ACO1: variants seen among roughly 807,000 people sequenced by gnomAD.
ACO1 encodes cytoplasmic aconitate hydratase.
Under a neutral mutation model 105.1 loss-of-function variants are expected in ACO1, and 78 were observed. That is an observed-to-expected ratio of 0.74 (90% CI 0.62 to 0.90). ACO1 has a LOEUF of 0.90. ACO1 is among the 40% of genes least tolerant of loss of function. ACO1 has a pLI of 0.00. For missense variants in ACO1, 965 were observed against 1,111.1 expected (o/e 0.87, Z 1.87); for synonymous variants, 364 against 397.4 (o/e 0.92, Z 1.00).
chr9:32,402,181 C>T (rs1821510520), intron 1 of ACO1, among the ~76,000 whole-genome samples: 1 of 152,290 alleles, frequency 6.6e-6, no homozygotes, highest in South Asian at 2.1e-4. Context: ...ATTTCCCATT[C>T]CTTCCTTCTT....
intron 18 of ACO1, among the ~76,000 whole-genome samples, chr9:32,437,278 A>G (rs1282207641): frequency 3.3e-5 from 5 of 152,194 alleles, no homozygotes; most frequent in African/African-American, 1.2e-4. Context: ...AAGAGGTCAT[A>G]TTACTCCTTT....
rs779912319 is a variant in ACO1, at chr9:32,440,553, C to T, written c.2336C>T (p.Ser779Phe). 1 of 1,613,960 alleles carries T rather than the reference C, an allele frequency of 6.2e-7. No homozygotes were observed. The highest frequency in any genetic ancestry group is 8.5e-7 in the Non-Finnish European group (1 of 1,179,956). The change falls in exon 19 of 21, where the codon TCC becomes TTC. Residue 779 changes from serine (S) to phenylalanine (F), a missense_variant. Ser to Phe is a radical substitution (Grantham distance 155, BLOSUM62 -2). Coordinates refer to ENST00000309951, the MANE Select transcript of ACO1 (RefSeq NM_002197.3). ...GGCAAAGAGTACGGTGCAGGCAGCT[C>T]CCGAGACTGGGCAGCTAAGGGCCCT... ...LAGKEYGAGS[S>F]RDWAAKGPFL...
At chr9:32,389,602 C>G (rs139581932) in intron 1 of ACO1, among the ~76,000 whole-genome samples, 2 of 151,892 alleles carry the variant, frequency 1.3e-5, no homozygotes, top group Non-Finnish European at 2.9e-5. Context: ...ACCTTGGCCT[C>G]GCCCTCTCAC....
At chr9:32,429,350 T>C (rs1822173867) in intron 12 of ACO1, 69 bp from the exon 13 acceptor site, 6 of 1,430,410 alleles carry the variant, frequency 4.2e-6, no homozygotes, top group Non-Finnish European at 5.9e-6. Context: ...CTGGAAACTG[T>C]GGCCAGCAGA....
At chr9:32,418,825 C>T (rs1024311634) in intron 6 of ACO1, among the ~76,000 whole-genome samples, 9 of 152,128 alleles carry the variant, frequency 5.9e-5, no homozygotes, top group African/African-American at 2.2e-4. Flanking sequence ...GATTTTGATA[C>T]AGGTGTTTGG....
Position 32,440,489 on chromosome 9 carries a change from C to T in ACO1, c.2272C>T (p.Arg758Trp), listed in dbSNP as rs201421085. 2.0e-5 allele frequency: 33 copies of T among 1,613,694 alleles called. No homozygotes were observed. Among genetic ancestry groups the T allele is most frequent in the South Asian group, 1.1e-4 (10 of 91,078 alleles). The change falls in exon 19 of 21, where the codon CGG becomes TGG. Residue 758 changes from arginine to tryptophan, a missense_variant. Physicochemically the swap from Arg to Trp is moderately radical, Grantham distance 101. Transcript: ENST00000309951. ...EILDVFDAAE[R>W]YQQAGLPLIV... ...GCTTGATGTGTTTGATGCTGCTGAGCGGTACCAGCAGGCAGGCCTTCCCCT... is the reference window on the plus strand; with the variant it reads ...GCTTGATGTGTTTGATGCTGCTGAGTGGTACCAGCAGGCAGGCCTTCCCCT...
chr9:32,413,335 T>G (rs1223890017), intron 4 of ACO1, among the ~76,000 whole-genome samples: 1 of 151,988 alleles, frequency 6.6e-6, no homozygotes, highest in Non-Finnish European at 1.5e-5. Context: ...ATACAAAAAA[T>G]TAGCCGGGCA....
chr9:32,409,770 C>G (rs115968407), intron 4 of ACO1, among the ~76,000 whole-genome samples: 1 of 151,974 alleles, frequency 6.6e-6, no homozygotes, highest in Non-Finnish European at 1.5e-5. Context: ...AGGAGGATCA[C>G]CTGAGCCCAG....
chr9:32,410,570 G>A (rs536576716), intron 4 of ACO1, among the ~76,000 whole-genome samples: 7 of 151,358 alleles, frequency 4.6e-5, no homozygotes, highest in Non-Finnish European at 8.8e-5. Context: ...AAAAAAAAAA[G>A]AGTACCTGAT....
intron 1 of ACO1, among the ~76,000 whole-genome samples, chr9:32,398,714 C>T (rs2118367081): frequency 6.6e-6 from 1 of 152,198 alleles, no homozygotes; most frequent in Middle Eastern, 3.4e-3. Context: ...CCACCTCAGC[C>T]TCTCGAGTAG....
chr9:32,434,074 T>C (rs1822300336), intron 16 of ACO1, among the ~76,000 whole-genome samples: 1 of 152,190 alleles, frequency 6.6e-6, no homozygotes, highest in African/African-American at 2.4e-5. Context: ...TCACCTGGAC[T>C]TAAACCTAGT....
Position 32,453,752 on chromosome 9 carries a change from T to G in ACO1, c.*3641T>G, listed in dbSNP as rs1227014224. 1.3e-5 allele frequency: 2 copies of G among 152,200 alleles called. No individual in the cohort carries two copies. Among genetic ancestry groups the G allele is most frequent in the Non-Finnish European group, 2.9e-5 (2 of 68,042 alleles). 9.4% of individuals were successfully genotyped at this position (152,200 alleles called of 1,614,324 possible). On this transcript the variant is annotated 3_prime_UTR_variant, in exon 21 of 21. Transcript: ENST00000309951. ...TGTAGGAGCAATGCAGAGCCACTTTTGAAAAACAGTAGCCAAGGTTCTACT... is the reference window on the plus strand; with the variant it reads ...TGTAGGAGCAATGCAGAGCCACTTTGGAAAAACAGTAGCCAAGGTTCTACT...
chr9:32,386,207 A>C (rs1457546551), intron 1 of ACO1, among the ~76,000 whole-genome samples: 2 of 152,212 alleles, frequency 1.3e-5, no homozygotes, highest in East Asian at 1.9e-4. Flanking sequence ...GGTTCCTGTG[A>C]GAGTTACCAA....
In ACO1 at chr9:32,449,033, T is replaced by C; in HGVS notation, c.2508T>C (p.Thr836=). 1 of 1,612,676 alleles carries C rather than the reference T, an allele frequency of 6.2e-7. No individual in the cohort carries two copies. Among genetic ancestry groups the C allele is most frequent in the Non-Finnish European group, 8.5e-7 (1 of 1,179,042 alleles). ...ALGLTGQERY[T]IIIPENLKPQ... Reference sequence around the variant, plus strand: ...GGCTCACAGGGCAAGAACGATACACTATCATTATTCCAGAAAACCTCAAAC... The same window carrying C: ...GGCTCACAGGGCAAGAACGATACACCATCATTATTCCAGAAAACCTCAAAC... Residue 836 remains threonine (T), a synonymous_variant, in exon 20 of 21, where the codon ACT becomes ACC. Transcript: ENST00000309951.
At chr9:32,397,046 A>G (rs1821387367) in intron 1 of ACO1, among the ~76,000 whole-genome samples, 1 of 152,114 alleles carries the variant, frequency 6.6e-6, no homozygotes, top group African/African-American at 2.4e-5. Context: ...GAAAAGACTG[A>G]GTGAAAATAG....
intron 19 of ACO1, among the ~76,000 whole-genome samples, chr9:32,447,977 G>C (rs1822658364): frequency 6.6e-6 from 1 of 152,170 alleles, no homozygotes; most frequent in South Asian, 2.1e-4. Flanking sequence ...CTGCCAGCCA[G>C]AGCTCTCCTG....
At chr9:32,408,719 A>C in intron 4 of ACO1, 68 bp downstream of exon 4, 1 of 1,554,272 alleles carries the variant, frequency 6.4e-7, no homozygotes, top group East Asian at 2.3e-5. Context: ...AATCTTTTTA[A>C]AATGTGTATA....
chr9:32,410,610 G>A (rs891153960), intron 4 of ACO1, among the ~76,000 whole-genome samples: 2 of 151,926 alleles, frequency 1.3e-5, no homozygotes, highest in Non-Finnish European at 2.9e-5. Context: ...AAAGAATCTA[G>A]TCATCTTTGC....
intron 10 of ACO1, 55 bp downstream of exon 10, chr9:32,424,720 A>G: frequency 8.2e-7 from 1 of 1,219,950 alleles, no homozygotes; most frequent in South Asian, 1.3e-5. Context: ...TTGCCTGGTT[A>G]CTCAGCGTCC....
Sources: gnomAD v4.1 joint callset for allele counts (sites outside exome capture counted in the v4.1 genomes callset) on GRCh38, gnomAD v4.1.1 for gene constraint, MANE v1.5 for transcripts, NCBI Gene and HGNC (gene_info 2026-07-23, HGNC 2026-07-21) for gene names.